Variants in MYRIP observed in about 807,000 individuals in gnomAD.
The protein encoded by MYRIP is myosin VIIA and Rab interacting protein.
A neutral mutation model predicts 98.0 loss-of-function variants in MYRIP; 49 were observed. That is an observed-to-expected ratio of 0.50 (90% CI 0.40 to 0.63). The LOEUF is 0.63. Ranked by LOEUF, MYRIP falls within the 30% of genes least tolerant of loss-of-function variation. The pLI, the probability that MYRIP is intolerant of heterozygous loss-of-function variation, is 0.00. For missense variants in MYRIP, 1,004 were observed against 1,058.2 expected (o/e 0.95, Z 0.71); for synonymous variants, 404 against 409.5 (o/e 0.99, Z 0.16).
At chr3:40,141,880 A>G (rs1308833979) in intron 3 of MYRIP, among the ~76,000 whole-genome samples, 2 of 152,126 alleles carry the variant, frequency 1.3e-5, no homozygotes, top group African/African-American at 2.4e-5. Flanking sequence ...TGATAATACA[A>G]TGCCTCTAGC....
intron 4 of MYRIP, 63 bp downstream of exon 4, chr3:40,151,247 A>T: frequency 2.6e-6 from 4 of 1,521,756 alleles, no homozygotes; most frequent in Non-Finnish European, 2.7e-6. Flanking sequence ...GGCCTGGCTC[A>T]GGGGCCCTGA....
At chr3:39,994,115 T>A (rs1946269198) in intron 2 of MYRIP, among the ~76,000 whole-genome samples, 1 of 152,232 alleles carries the variant, frequency 6.6e-6, no homozygotes, top group Admixed American at 6.5e-5. Flanking sequence ...GCGTGAGCGA[T>A]GCAGAAGACA....
rs1000119742 is a variant in MYRIP at position 39,819,759 on chromosome 3, C to T, written c.-31+9843C>T. Among the ~76,000 whole-genome samples the T allele has an allele frequency of 3.3e-5, 5 of 152,298 alleles. No homozygotes were observed. In the South Asian group the frequency reaches 1.0e-3, roughly 32 times the overall value. ...GGGCTGGATGATTTACTGAAAGAAA[C>T]CTCTCCCACTTCCAACTTACCCTGA... On this transcript the variant is annotated intron_variant, in intron 1 of 16. Coordinates refer to ENST00000302541, the MANE Select transcript of MYRIP (RefSeq NM_015460.4).
At chr3:40,081,278 C>G (rs1402982716) in intron 3 of MYRIP, among the ~76,000 whole-genome samples, 2 of 152,080 alleles carry the variant, frequency 1.3e-5, no homozygotes, top group Admixed American at 6.6e-5. Context: ...CTCAAATCTT[C>G]TATATTCTTC....
chr3:40,102,139 T>C (rs1330865866), intron 3 of MYRIP, among the ~76,000 whole-genome samples: 1 of 152,214 alleles, frequency 6.6e-6, no homozygotes, highest in Non-Finnish European at 1.5e-5. Flanking sequence ...ATGTTTCCTG[T>C]GGGTGCCCCT....
Position 40,151,054 on chromosome 3 carries a change from G to C in MYRIP, c.339G>C (p.Leu113=), listed in dbSNP as rs770600011. 6.3e-7 allele frequency: 1 copy of C among 1,583,322 alleles called. No individual in the cohort carries two copies. Among genetic ancestry groups the C allele is most frequent in the East Asian group, 2.3e-5 (1 of 43,962 alleles). ...VCCVCQQARL[L]RAQSLEWFYN... Reference sequence around the variant, plus strand: ...CTAATTCTGTTTTCCTCAGGCTTCTGAGGGCCCAATCTCTGGAATGGTTCT... The same window carrying C: ...CTAATTCTGTTTTCCTCAGGCTTCTCAGGGCCCAATCTCTGGAATGGTTCT... Residue 113 remains leucine, a synonymous_variant, in exon 4 of 17, where the codon CTG becomes CTC. Coordinates refer to ENST00000302541, the MANE Select transcript of MYRIP (RefSeq NM_015460.4).
chr3:40,026,712 G>A (rs1559369847), intron 2 of MYRIP, among the ~76,000 whole-genome samples: 1 of 152,092 alleles, frequency 6.6e-6, no homozygotes, highest in African/African-American at 2.4e-5. Context: ...TCTGGCTCCT[G>A]CCTAGCTTCC....
intron 3 of MYRIP, among the ~76,000 whole-genome samples, chr3:40,130,011 T>C: frequency 6.6e-6 from 1 of 152,232 alleles, no homozygotes; most frequent in Non-Finnish European, 1.5e-5. Context: ...CGCAGTATGA[T>C]GTTAAGTAGG....
chr3:40,098,496 TTCTA>T (rs1457580298), intron 3 of MYRIP, among the ~76,000 whole-genome samples: 2 of 152,186 alleles, frequency 1.3e-5, no homozygotes, highest in Admixed American at 1.3e-4. Flanking sequence ...GCAGATCCTT[TTCTA>T]TCTAAGTTCT....
At chr3:40,025,587 C>T (rs930838455) in intron 2 of MYRIP, among the ~76,000 whole-genome samples, 7 of 152,084 alleles carry the variant, frequency 4.6e-5, no homozygotes, top group African/African-American at 1.2e-4. Flanking sequence ...TGGGGGAACC[C>T]GCCCCCAATA....
intron 2 of MYRIP, among the ~76,000 whole-genome samples, chr3:40,019,697 T>G (rs1025220707): frequency 1.3e-5 from 2 of 151,424 alleles, no homozygotes; most frequent in Non-Finnish European, 1.5e-5. Context: ...GTTCCAGGAA[T>G]AAGGGAAACA....
At chr3:39,966,361 A>C (rs1384658353) in intron 2 of MYRIP, among the ~76,000 whole-genome samples, 18 of 152,310 alleles carry the variant, frequency 1.2e-4, no homozygotes, top group African/African-American at 4.1e-4. Flanking sequence ...GATAATACGC[A>C]TTTGAAAATT....
intron 3 of MYRIP, among the ~76,000 whole-genome samples, chr3:40,048,815 A>AAAAAATT (rs1947726294): frequency 6.6e-6 from 1 of 152,182 alleles, no homozygotes; most frequent in Non-Finnish European, 1.5e-5. Context: ...TTGGGAGATT[A>AAAAAATT]AAAAATTAAA....
chr3:40,168,541 T>C (rs1403150532), intron 7 of MYRIP, among the ~76,000 whole-genome samples: 1 of 152,228 alleles, frequency 6.6e-6, no homozygotes, highest in Admixed American at 6.5e-5. Flanking sequence ...AATCAAGGAC[T>C]ATCTGTATAT....
intron 2 of MYRIP, among the ~76,000 whole-genome samples, chr3:39,903,323 T>A (rs564328140): frequency 1.3e-5 from 2 of 152,340 alleles, no homozygotes; most frequent in African/African-American, 4.8e-5. Flanking sequence ...ATAGAAAGTA[T>A]TTTCCTTTAA....
At chr3:40,082,096 C>T (rs1948491523) in intron 3 of MYRIP, among the ~76,000 whole-genome samples, 1 of 152,120 alleles carries the variant, frequency 6.6e-6, no homozygotes, top group Non-Finnish European at 1.5e-5. Context: ...CAAAAGATAA[C>T]AAGTGTTGTC....
chr3:39,878,145 G>C (rs932085205), intron 1 of MYRIP, among the ~76,000 whole-genome samples: 3 of 149,294 alleles, frequency 2.0e-5, no homozygotes, highest in Non-Finnish European at 4.5e-5. Flanking sequence ...AGGACCCTCC[G>C]AGCCATATGC....
chr3:40,254,683 A>G (rs1029164023), intron 16 of MYRIP, among the ~76,000 whole-genome samples: 2 of 152,184 alleles, frequency 1.3e-5, no homozygotes, highest in Non-Finnish European at 2.9e-5. Context: ...GCAGGCTTGC[A>G]TGACCCAGTT....
chr3:39,872,568 A>G (rs909628116), intron 1 of MYRIP, among the ~76,000 whole-genome samples: 4 of 143,126 alleles, frequency 2.8e-5, no homozygotes, highest in Non-Finnish European at 6.0e-5. Context: ...ATTCCCACCT[A>G]TGAATGAGAA....
Sources: gnomAD v4.1 joint callset for allele counts (sites outside exome capture counted in the v4.1 genomes callset) on GRCh38, gnomAD v4.1.1 for gene constraint, MANE v1.5 for transcripts, NCBI Gene and HGNC (gene_info 2026-07-23, HGNC 2026-07-21) for gene names.